Variants in CYP4A22 observed in about 807,000 individuals in gnomAD.
The protein encoded by CYP4A22 is cytochrome P450 4A22.
Under a neutral mutation model 56.2 loss-of-function variants are expected in CYP4A22, and 46 were observed. That is an observed-to-expected ratio of 0.82 (90% CI 0.65 to 1.05). The LOEUF (loss-of-function observed/expected upper bound fraction) is 1.05. Among genes scored for constraint, CYP4A22 ranks in the 50% least tolerant of loss-of-function variants. CYP4A22 has a pLI of 0.00. For synonymous variants in CYP4A22, 193 were observed against 251.1 expected (o/e 0.77, Z 2.19); for missense variants, 541 against 645.9 (o/e 0.84, Z 1.76).
chr1:47,145,664 C>T lies in CYP4A22; in HGVS notation c.1223-202C>T, dbSNP rs192909277. On this transcript the variant is annotated intron_variant, in intron 9 of 11. Transcript: ENST00000371891. ...GATTCTTTTTTGCTTCTCATTCCTGCATAAATGGTTGTCTATTCATCATCT... is the reference window on the plus strand; with the variant it reads ...GATTCTTTTTTGCTTCTCATTCCTGTATAAATGGTTGTCTATTCATCATCT... Among the ~76,000 whole-genome samples, 255 of 152,328 alleles carry T rather than the reference C, an allele frequency of 1.7e-3. 4 individuals carry two copies. Among genetic ancestry groups the T allele is most frequent in the African/African-American group, 5.9e-3 (244 of 41,582 alleles).
chr1:47,148,694 G>C lies in CYP4A22; in HGVS notation c.1457G>C (p.Arg486Thr), dbSNP rs745818783. 28 of 1,613,970 alleles carry C rather than the reference G, an allele frequency of 1.7e-5. No homozygotes were observed. The highest frequency in any genetic ancestry group is 2.3e-5 in the Non-Finnish European group (27 of 1,180,000). Reference sequence around the variant, plus strand: ...TTTGAGCTGCTGCCTGATCCCACCAGGATCCCCATCCCCATGGCACGACTT... The same window carrying C: ...TTTGAGCTGCTGCCTGATCCCACCACGATCCCCATCCCCATGGCACGACTT... ...LRFELLPDPT[R>T]IPIPMARLVL... The change falls in exon 12 of 12, where the codon AGG (arginine) becomes ACG (threonine). Residue 486 changes from arginine (R) to threonine (T), a missense_variant. Physicochemically the swap from Arg to Thr is moderately conservative, Grantham distance 71. This residue lies in a region of CYP4A22 where 204 missense variants were observed against 258.9 expected (regional missense o/e 0.79). Coordinates refer to ENST00000371891, the MANE Select transcript of CYP4A22 (RefSeq NM_001010969.4).
intron 1 of CYP4A22, among the ~76,000 whole-genome samples, chr1:47,139,487 C>T (rs1465734971): frequency 6.6e-6 from 1 of 152,178 alleles, no homozygotes; most frequent in African/African-American, 2.4e-5. Flanking sequence ...GTCCTTCATT[C>T]CATCTCATGT....
rs534420053 is a variant in CYP4A22 at position 47,138,086 on chromosome 1, C to T, written c.195+406C>T. Reference sequence around the variant, plus strand: ...CTGCATTTGCCTGGGAGCACAGACACCCATCTGAGGACTCTGTGCCATGAG... The same window carrying T: ...CTGCATTTGCCTGGGAGCACAGACATCCATCTGAGGACTCTGTGCCATGAG... On this transcript the variant is annotated intron_variant, in intron 1 of 11. Coordinates refer to ENST00000371891, the MANE Select transcript of CYP4A22 (RefSeq NM_001010969.4). Among the ~76,000 whole-genome samples, 3 of 152,262 alleles carry T rather than the reference C, an allele frequency of 2.0e-5. No individual in the cohort carries two copies. The South Asian group carries it at 6.2e-4, about 32-fold the overall frequency.
chr1:47,143,823 A>G lies in CYP4A22; in HGVS notation c.697A>G (p.Arg233Gly). The change falls in exon 6 of 12, where the codon AGG becomes GGG. Residue 233 changes from arginine to glycine, a missense_variant. Arg to Gly is a moderately radical substitution (Grantham distance 125, BLOSUM62 -2). Around this residue, in one of 3 missense-constraint regions of CYP4A22, gnomAD observed 335 missense variants for 361.2 expected, o/e 0.93. Coordinates refer to ENST00000371891, the MANE Select transcript of CYP4A22 (RefSeq NM_001010969.4). Reference sequence around the variant, plus strand: ...GAACAGCCTGGTTTTTTGCTGTATGAGGAATGCCTTTCATGAGAATGACAC... The same window carrying G: ...GAACAGCCTGGTTTTTTGCTGTATGGGGAATGCCTTTCATGAGAATGACAC... ...DLNSLVFCCMRNAFHENDTIY... is the reference protein window; with the variant it reads ...DLNSLVFCCMGNAFHENDTIY... 6.2e-7 allele frequency: 1 copy of G among 1,614,054 alleles called. No homozygotes were observed. The highest frequency in any genetic ancestry group is 8.5e-7 in the Non-Finnish European group (1 of 1,179,976).
intron 1 of CYP4A22, among the ~76,000 whole-genome samples, chr1:47,138,042 C>T (rs1345544813): frequency 6.6e-6 from 1 of 152,154 alleles, no homozygotes; most frequent in Non-Finnish European, 1.5e-5. Context: ...TCACTCAATG[C>T]CATTGTCTCT....
intron 4 of CYP4A22, 92 bp downstream of exon 4, chr1:47,142,327 T>C: frequency 6.7e-7 from 1 of 1,491,148 alleles, no homozygotes; most frequent in East Asian, 2.4e-5. Flanking sequence ...CAGGCAGCCA[T>C]AGACATAGAC....
At chr1:47,139,116 A>G (rs1268733243) in intron 1 of CYP4A22, among the ~76,000 whole-genome samples, 3 of 152,182 alleles carry the variant, frequency 2.0e-5, no homozygotes, top group Non-Finnish European at 1.5e-5. Context: ...CTGCCTCTGC[A>G]TTTCAACCTC....
At chr1:47,146,269 T>C (rs1174720385) in intron 11 of CYP4A22, 116 bp downstream of exon 11, 3 of 1,588,560 alleles carry the variant, frequency 1.9e-6, no homozygotes, top group African/African-American at 1.3e-5. Flanking sequence ...CTCTTAAATA[T>C]TGGTATTTGT....
chr1:47,143,443 T>C, intron 5 of CYP4A22, 50 bp downstream of exon 5: 1 of 1,523,696 alleles, frequency 6.6e-7, no homozygotes. Context: ...TCAAGTGGAG[T>C]GCACATACCT....
At chr1:47,143,972 C>A in intron 6 of CYP4A22, 56 bp downstream of exon 6, 1 of 1,556,796 alleles carries the variant, frequency 6.4e-7, no homozygotes, top group African/African-American at 1.4e-5. Context: ...AAAGTACCTG[C>A]CCTGACTCCT....
chr1:47,146,210 C>T, intron 11 of CYP4A22, 57 bp downstream of exon 11: 2 of 1,613,186 alleles, frequency 1.2e-6, no homozygotes, highest in Non-Finnish European at 1.7e-6. Context: ...TCTGGTCAAC[C>T]CTCTGATCTT....
At chr1:47,148,045 G>A (rs957093719) in intron 11 of CYP4A22, among the ~76,000 whole-genome samples, 4 of 152,130 alleles carry the variant, frequency 2.6e-5, no homozygotes, top group African/African-American at 4.8e-5. Context: ...GGGGTGGGAG[G>A]CAGGTGGGGC....
Position 47,149,029 on chromosome 1 carries a change from G to A in CYP4A22, c.*232G>A. On this transcript the variant is annotated 3_prime_UTR_variant, in exon 12 of 12. Transcript: ENST00000371891. ...GAAAAGCTGAGTGTTGGGAGAAGCTGAGGCCGAGCTTGCATGTCTGACATA... is the reference window on the plus strand; with the variant it reads ...GAAAAGCTGAGTGTTGGGAGAAGCTAAGGCCGAGCTTGCATGTCTGACATA... 5 of 492,122 alleles carry A rather than the reference G, an allele frequency of 1.0e-5. No homozygotes were observed. The highest frequency in any genetic ancestry group is 3.7e-5 in the East Asian group (1 of 27,220). The allele number at this position is 492,122 out of a possible 1,614,324, so 30.5% of individuals were successfully genotyped here.
rs1255011639 is a variant in CYP4A22 at position 47,141,626 on chromosome 1, A to C, written c.382+11A>C. The C allele has an allele frequency of 6.8e-6, 11 of 1,613,114 alleles. No homozygotes were observed. Among genetic ancestry groups the C allele is most frequent in the Non-Finnish European group, 8.5e-6 (10 of 1,179,424 alleles). ...TGGCTCCACGGATTGGTATGTGTGCAAACTAGGACTGCAGCCCACTCCCTA... is the reference window on the plus strand; with the variant it reads ...TGGCTCCACGGATTGGTATGTGTGCCAACTAGGACTGCAGCCCACTCCCTA... On this transcript the variant is annotated intron_variant, in intron 3 of 11. Coordinates refer to ENST00000371891, the MANE Select transcript of CYP4A22 (RefSeq NM_001010969.4).
At chr1:47,141,007 C>T in intron 2 of CYP4A22, 86 bp downstream of exon 2, 2 of 1,562,852 alleles carry the variant, frequency 1.3e-6, no homozygotes, top group Non-Finnish European at 1.7e-6. Flanking sequence ...AAGAGAGTGG[C>T]TGTTCAAACA....
Position 47,137,605 on chromosome 1 carries a change from T to G in CYP4A22, c.120T>G (p.His40Gln). The part of the protein sequence containing the change: ...LLIKAAQLYL[H>Q]RQWLLKALQQ... ...TCAAGGCAGCTCAGCTCTACCTGCATAGGCAGTGGCTGCTCAAAGCCCTCC... is the reference window on the plus strand; with the variant it reads ...TCAAGGCAGCTCAGCTCTACCTGCAGAGGCAGTGGCTGCTCAAAGCCCTCC... Residue 40 changes from histidine (H) to glutamine (Q), a missense_variant, in exon 1 of 12, where the codon CAT (histidine) becomes CAG (glutamine). His to Gln is a conservative substitution (Grantham distance 24). This residue lies in a region of CYP4A22 where 335 missense variants were observed against 361.2 expected (regional missense o/e 0.93). Transcript: ENST00000371891. The G allele has an allele frequency of 6.2e-7, 1 of 1,614,172 alleles. No individual in the cohort carries two copies. Among genetic ancestry groups the G allele is most frequent in the Non-Finnish European group, 8.5e-7 (1 of 1,180,002 alleles).
At position 47,142,168 on chromosome 1, in the gene CYP4A22, C is replaced by A; in HGVS notation, c.443C>A (p.Pro148Gln). 1.4e-5 allele frequency: 22 copies of A among 1,613,968 alleles called. No homozygotes were observed. Among genetic ancestry groups the A allele is most frequent in the Non-Finnish European group, 1.7e-5 (20 of 1,179,932 alleles). ...TWFQHRRMLTPAFHNDILKPY... is the reference protein window; with the variant it reads ...TWFQHRRMLTQAFHNDILKPY... ...TTCCAGCATCGACGGATGCTGACCCCAGCCTTCCACAATGACATCCTGAAG... is the reference window on the plus strand; with the variant it reads ...TTCCAGCATCGACGGATGCTGACCCAAGCCTTCCACAATGACATCCTGAAG... The change falls in exon 4 of 12, where the codon CCA becomes CAA. Residue 148 changes from proline (P) to glutamine (Q), a missense_variant. Pro to Gln is a moderately conservative substitution (Grantham distance 76, BLOSUM62 -1). This residue lies in a region of CYP4A22 where 335 missense variants were observed against 361.2 expected (regional missense o/e 0.93). Coordinates refer to ENST00000371891, the MANE Select transcript of CYP4A22 (RefSeq NM_001010969.4).
rs147169587 is a variant in CYP4A22, at chr1:47,148,967, C to A, written c.*170C>A. ...TTCTCCAAGCTCCCTACCTGCTTGT[C>A]TACCTGTCTCCTACCCACCTGTATA... On this transcript the variant is annotated 3_prime_UTR_variant, in exon 12 of 12. Transcript: ENST00000371891. 6.4e-3 allele frequency: 4,496 copies of A among 706,352 alleles called. 64 individuals carry two copies. The highest frequency in any genetic ancestry group is 0.037 in the South Asian group (1,368 of 37,062). The allele number at this position is 706,352 out of a possible 1,614,324, so 43.8% of individuals were successfully genotyped here. A position where few individuals can be genotyped will look rare whatever the true frequency, so the allele number is the denominator to read the frequency against.
rs1310359568 is a variant in CYP4A22, at chr1:47,144,390, A to C, written c.824A>C (p.Gln275Pro). ...QVIQLRKAQL[Q>P]KEGELEKIKR... Reference sequence around the variant, plus strand: ...ATCCAACTGAGGAAGGCTCAACTACAGAAGGAGGGGGAGCTGGAGAAGATC... The same window carrying C: ...ATCCAACTGAGGAAGGCTCAACTACCGAAGGAGGGGGAGCTGGAGAAGATC... The change falls in exon 7 of 12, where the codon CAG (glutamine) becomes CCG (proline). Residue 275 changes from glutamine (Q) to proline (P), a missense_variant. Transcript: ENST00000371891. 4 of 1,613,946 alleles carry C rather than the reference A, an allele frequency of 2.5e-6. No homozygotes were observed. The Admixed American group carries it at 6.7e-5, about 27-fold the overall frequency.
Sources: gnomAD v4.1 joint callset for allele counts (sites outside exome capture counted in the v4.1 genomes callset) on GRCh38, gnomAD v4.1.1 for gene constraint, gnomAD v4.1.1 regional missense constraint, MANE v1.5 for transcripts, NCBI Gene and HGNC (gene_info 2026-07-23, HGNC 2026-07-21) for gene names.